GALNT18: variants seen among roughly 807,000 people sequenced by gnomAD.
The protein encoded by GALNT18 is polypeptide N-acetylgalactosaminyltransferase 18, also known as GalNAc-transferase 18.
Under a neutral mutation model 69.5 loss-of-function variants are expected in GALNT18, and 44 were observed. That is an observed-to-expected ratio of 0.63 (90% CI 0.50 to 0.81). GALNT18 has a LOEUF of 0.81. Among genes scored for constraint, GALNT18 ranks in the 40% least tolerant of loss-of-function variants. The pLI, the probability that GALNT18 is intolerant of heterozygous loss-of-function variation, is 0.00. For missense variants in GALNT18, 715 were observed against 810.0 expected, an observed-to-expected ratio of 0.88 and a Z score of 1.42; for synonymous variants, 364 against 318.2, an observed-to-expected ratio of 1.14 and a Z score of -1.53.
chr11:11,386,519 A>C (rs753585548), intron 3 of GALNT18, among the ~76,000 whole-genome samples: 1 of 152,184 alleles, frequency 6.6e-6, no homozygotes. Flanking sequence ...TCAACTCTTG[A>C]CCTATACGCA....
intron 3 of GALNT18, among the ~76,000 whole-genome samples, chr11:11,419,523 G>A: frequency 6.8e-6 from 1 of 146,572 alleles, no homozygotes; most frequent in East Asian, 2.1e-4. Flanking sequence ...CTTGAACCCA[G>A]GAGGCAGAGG....
chr11:11,578,361 A>G (rs1417170455), intron 1 of GALNT18, among the ~76,000 whole-genome samples: 1 of 149,530 alleles, frequency 6.7e-6, no homozygotes. Flanking sequence ...CAATAAGCCA[A>G]ATAATCCCCA....
intron 1 of GALNT18, among the ~76,000 whole-genome samples, chr11:11,498,927 T>C (rs1026762999): frequency 6.6e-6 from 1 of 152,260 alleles, no homozygotes; most frequent in Non-Finnish European, 1.5e-5. Flanking sequence ...GGAAGATTGT[T>C]ATATTCTTAA....
rs1226248730 is a variant in GALNT18 at position 11,542,809 on chromosome 11, C to T, written c.235+78550G>A. ...TCGATCTGCTTTTGATAGCACTTTCCAACACTTTGGTGCTAAGGTTTTGTT... is the reference window on the plus strand; with the variant it reads ...TCGATCTGCTTTTGATAGCACTTTCTAACACTTTGGTGCTAAGGTTTTGTT... On this transcript the variant is annotated intron_variant, in intron 1 of 10. Transcript: ENST00000227756. The surrounding 1 kb of genome is among the most constrained non-coding windows in gnomAD (Gnocchi z 4.3). Among the ~76,000 whole-genome samples the T allele has an allele frequency of 6.6e-6, 1 of 152,138 alleles. No homozygotes were observed. The highest frequency in any genetic ancestry group is 1.5e-5 in the Non-Finnish European group (1 of 68,026).
chr11:11,597,354 A>G (rs1193001954), intron 1 of GALNT18, among the ~76,000 whole-genome samples: 1 of 152,234 alleles, frequency 6.6e-6, no homozygotes, highest in Non-Finnish European at 1.5e-5. Flanking sequence ...GAGTTTATGA[A>G]GAACTGGTAT....
intron 1 of GALNT18, among the ~76,000 whole-genome samples, chr11:11,554,461 C>A (rs1011344235): frequency 6.6e-6 from 1 of 150,562 alleles, no homozygotes; most frequent in Non-Finnish European, 1.5e-5. Flanking sequence ...CTGTGCTTGT[C>A]AGCAAGTGTT....
chr11:11,475,832 G>A (rs1856382489), intron 1 of GALNT18: 1 of 152,226 alleles, frequency 6.6e-6, no homozygotes. Context: ...CACAGTTGGA[G>A]TCCACATCCA....
At chr11:11,379,352 C>A (rs1017459747) in intron 3 of GALNT18, 88 bp from the exon 4 acceptor site, 23 of 1,327,898 alleles carry the variant, frequency 1.7e-5, no homozygotes, top group Middle Eastern at 2.6e-4. Flanking sequence ...TAGTGATGAC[C>A]CCCAGAGAAA....
rs569307392 is a variant in GALNT18, at chr11:11,389,128, G to A, written c.596-9864C>T. On this transcript the variant is annotated intron_variant, in intron 3 of 10. Coordinates refer to ENST00000227756, the MANE Select transcript of GALNT18 (RefSeq NM_198516.3). The surrounding 1 kb of genome is among the most constrained non-coding windows in gnomAD (Gnocchi z 4.3). ...TCATTATTATCTTCAAACGGCAAAT[G>A]GGAAAAATCAAGGATGAGAGACTTT... 3.0e-4 allele frequency among the ~76,000 whole-genome samples: 46 copies of A among 152,178 alleles called. No homozygotes were observed. Among genetic ancestry groups the A allele is most frequent in the Non-Finnish European group, 2.2e-4 (15 of 68,030 alleles).
intron 1 of GALNT18, among the ~76,000 whole-genome samples, chr11:11,610,771 G>A (rs549441306): frequency 6.6e-6 from 1 of 152,266 alleles, no homozygotes; most frequent in South Asian, 2.1e-4. Flanking sequence ...TTTAGAAGTG[G>A]AAGAAACCAA....
chr11:11,482,681 G>A (rs7940423), intron 1 of GALNT18, among the ~76,000 whole-genome samples: 5,264 of 152,322 alleles, frequency 0.035, 200 homozygotes, highest in African/African-American at 0.1. Context: ...TTGCAAACGT[G>A]TTAAGAAGAA....
At position 11,320,491 on chromosome 11, in the gene GALNT18, G is replaced by C. The variant is rs2133038275; in HGVS notation, c.1512+6595C>G. Among the ~76,000 whole-genome samples the C allele has an allele frequency of 6.6e-6, 1 of 152,336 alleles. No homozygotes were observed. The highest frequency in any genetic ancestry group is 2.1e-4 in the South Asian group (1 of 4,824). ...ACATCCCTGGAAATGCATGTTGAAT[G>C]TTTGATTTGGACCAAGTCTGTAGGA... is the stretch of plus-strand genomic sequence containing the variant. On this transcript the variant is annotated intron_variant, in intron 9 of 10. Transcript: ENST00000227756. This position sits in a 1 kb window ranked among gnomAD's most constrained non-coding sequence, Gnocchi z 4.9.
chr11:11,514,902 C>A (rs561980817), intron 1 of GALNT18, among the ~76,000 whole-genome samples: 1 of 152,212 alleles, frequency 6.6e-6, no homozygotes, highest in Non-Finnish European at 1.5e-5. Context: ...GGATGAAGGA[C>A]CAGGAATCCA....
rs538287014 is a variant in GALNT18 at position 11,271,295 on chromosome 11, G to C, written c.1678-5C>G. 1 of 1,612,350 alleles carries C rather than the reference G, an allele frequency of 6.2e-7. No individual in the cohort carries two copies. Among genetic ancestry groups the C allele is most frequent in the Admixed American group, 1.7e-5 (1 of 59,972 alleles). ...GCGGTTCTGGATGGGTCCTCCCTAG[G>C]GGCCAGGGCAGACAGTGGGGTCAGA... On this transcript the variant is annotated splice_polypyrimidine_tract_variant and splice_region_variant and intron_variant, in intron 10 of 10. Coordinates refer to ENST00000227756, the MANE Select transcript of GALNT18 (RefSeq NM_198516.3).
At chr11:11,477,066 A>G (rs1399451632) in intron 1 of GALNT18, among the ~76,000 whole-genome samples, 2 of 152,196 alleles carry the variant, frequency 1.3e-5, no homozygotes, top group Admixed American at 1.3e-4. Flanking sequence ...GGAACCACCT[A>G]CAGAATAGAT....
chr11:11,568,826 A>G (rs756560408), intron 1 of GALNT18, among the ~76,000 whole-genome samples: 1 of 152,214 alleles, frequency 6.6e-6, no homozygotes, highest in Non-Finnish European at 1.5e-5. Flanking sequence ...TTCCTTGGAG[A>G]TGTCTTAGCC....
intron 3 of GALNT18, among the ~76,000 whole-genome samples, chr11:11,394,642 A>G (rs1474408762): frequency 1.3e-5 from 2 of 152,246 alleles, no homozygotes; most frequent in Admixed American, 1.3e-4. Flanking sequence ...AACACAAGTC[A>G]TGGGCTCCTC....
chr11:11,578,746 T>A (rs1005324632), intron 1 of GALNT18, among the ~76,000 whole-genome samples: 3 of 152,260 alleles, frequency 2.0e-5, no homozygotes, highest in African/African-American at 4.8e-5. Context: ...CCTTGCAGGC[T>A]GCTGCCTTCC....
chr11:11,305,088 C>A (rs1045893268), intron 9 of GALNT18, among the ~76,000 whole-genome samples: 3 of 152,168 alleles, frequency 2.0e-5, no homozygotes, highest in Non-Finnish European at 4.4e-5. Flanking sequence ...GATGAGTAAA[C>A]CACCACTGGA....
Sources: allele counts gnomAD v4.1 joint callset (sites outside exome capture counted in the v4.1 genomes callset), GRCh38; gene constraint gnomAD v4.1.1; non-coding constraint Gnocchi (gnomAD v3.1); transcripts MANE v1.5; gene names NCBI Gene and HGNC (gene_info 2026-07-23, HGNC 2026-07-21).